Variants in CYP4A22 observed in about 807,000 individuals in gnomAD.
CYP4A22 encodes the protein cytochrome P450 family 4 subfamily A member 22, also known as cytochrome P450 4A22.
CYP4A22 carries 46 observed loss-of-function variants against 56.2 expected under a neutral mutation model. The observed-to-expected ratio is 0.82, with a 90% CI of 0.65 to 1.05. The LOEUF is 1.05. Among genes scored for constraint, CYP4A22 ranks in the 50% least tolerant of loss-of-function variants. CYP4A22 has a pLI of 0.00. For synonymous variants in CYP4A22, 193 were observed against 251.1 expected (o/e 0.77, Z 2.19); for missense variants, 541 against 645.9 (o/e 0.84, Z 1.76).
intron 2 of CYP4A22, 22 bp from the exon 3 acceptor site, chr1:47,141,549 A>T: frequency 6.2e-7 from 1 of 1,612,820 alleles, no homozygotes; most frequent in Non-Finnish European, 8.5e-7. Context: ...AGTTTCCTAT[A>T]AAGCCCTTTC....
rs771623586 is a variant in CYP4A22, at chr1:47,142,106, A to G, written c.383-2A>G. 1 of 1,612,248 alleles carries G rather than the reference A, an allele frequency of 6.2e-7. No homozygotes were observed. Among genetic ancestry groups the G allele is most frequent in the South Asian group, 1.1e-5 (1 of 90,742 alleles). On this transcript the variant is annotated splice_acceptor_variant, in intron 3 of 11. Transcript: ENST00000371891. LOFTEE classifies it high-confidence loss of function. The stretch of plus-strand genomic sequence containing the variant: ...ACATACACATATTCGTGTCTACCTT[A>G]GGGTACGGCTTGCTCCTGTTGAATG...
chr1:47,138,467 C>T lies in CYP4A22; in HGVS notation c.195+787C>T, dbSNP rs1271243058. ...AGCATGTCATCCCCTTCCTGTGCCC[C>T]GGCAATCAGCAAAATCCTGGCACAG... On this transcript the variant is annotated intron_variant, in intron 1 of 11. Transcript: ENST00000371891. Among the ~76,000 whole-genome samples the T allele has an allele frequency of 5.9e-5, 9 of 152,156 alleles. No homozygotes were observed. In the East Asian group the frequency reaches 7.7e-4, roughly 13 times the overall value.
At chr1:47,141,099 T>C (rs930820814) in intron 2 of CYP4A22, among the ~76,000 whole-genome samples, 178 bp downstream of exon 2, 1 of 152,240 alleles carries the variant, frequency 6.6e-6, no homozygotes, top group African/African-American at 2.4e-5. Context: ...GAATACTGAA[T>C]GTTTAAAACA....
At chr1:47,140,345 A>G (rs549988187) in intron 1 of CYP4A22, among the ~76,000 whole-genome samples, 33 of 152,344 alleles carry the variant, frequency 2.2e-4, no homozygotes, top group East Asian at 7.7e-4. Flanking sequence ...AATATTTACC[A>G]TATATTCTGG....
Position 47,145,901 on chromosome 1 carries a change from C to T in CYP4A22, c.1258C>T (p.His420Tyr). 1 of 1,614,170 alleles carries T rather than the reference C, an allele frequency of 6.2e-7. No homozygotes were observed. The highest frequency in any genetic ancestry group is 8.5e-7 in the Non-Finnish European group (1 of 1,180,028). The change falls in exon 10 of 12, where the codon CAC becomes TAC. Residue 420 changes from histidine (H) to tyrosine (Y), a missense_variant. This residue lies in a region of CYP4A22 where 204 missense variants were observed against 258.9 expected (regional missense o/e 0.79). Transcript: ENST00000371891. ...CCTCCTCTCCATTTATGGCCTTCAC[C>T]ACAACCCAAAAGTGTGGCCCAACCT... ...MVLLSIYGLH[H>Y]NPKVWPNLEV...
chr1:47,142,742 G>A (rs1645026964), intron 4 of CYP4A22, among the ~76,000 whole-genome samples: 2 of 152,204 alleles, frequency 1.3e-5, no homozygotes, highest in African/African-American at 4.8e-5. Context: ...CTCCAGTCAG[G>A]ACTCTGATTT....
In CYP4A22 at chr1:47,137,654, C is replaced by T. The variant is rs148805480; in HGVS notation, c.169C>T (p.His57Tyr). ...ALQQFPCPPSHWLFGHIQEFQ... is the reference protein window; with the variant it reads ...ALQQFPCPPSYWLFGHIQEFQ... ...CCAGCAGTTCCCGTGCCCTCCCTCCCACTGGCTCTTCGGGCACATCCAGGA... is the reference window on the plus strand; with the variant it reads ...CCAGCAGTTCCCGTGCCCTCCCTCCTACTGGCTCTTCGGGCACATCCAGGA... Residue 57 changes from histidine (H) to tyrosine (Y), a missense_variant, in exon 1 of 12, where the codon CAC becomes TAC. By Grantham distance (83) the His-to-Tyr change is moderately conservative. This residue lies in a region of CYP4A22 where 335 missense variants were observed against 361.2 expected (regional missense o/e 0.93). Transcript: ENST00000371891. 4.0e-4 allele frequency: 652 copies of T among 1,613,214 alleles called. 4 individuals are homozygous for T. In the African/African-American group the frequency reaches 7.0e-3, roughly 17 times the overall value.
Position 47,140,832 on chromosome 1 carries a change from C to T in CYP4A22, c.248C>T (p.Pro83Leu). The change falls in exon 2 of 12, where the codon CCA becomes CTA. Residue 83 changes from proline (P) to leucine (L), a missense_variant. This residue lies in a region of CYP4A22 where 335 missense variants were observed against 361.2 expected (regional missense o/e 0.93). Transcript: ENST00000371891. ...ATTCAGGAACGGGTGAAGACATTCC[C>T]AAGTGCCTGTCCTTATTGGATATGG... ...QRIQERVKTF[P>L]SACPYWIWGG... 1 of 1,614,140 alleles carries T rather than the reference C, an allele frequency of 6.2e-7. No individual in the cohort carries two copies. The highest frequency in any genetic ancestry group is 8.5e-7 in the Non-Finnish European group (1 of 1,180,024).
chr1:47,147,033 C>T (rs942375091), intron 11 of CYP4A22: 20 of 985,292 alleles, frequency 2.0e-5, no homozygotes, highest in South Asian at 4.7e-5. Context: ...AGAATGGCTG[C>T]GGTGGAAATC....
intron 11 of CYP4A22, chr1:47,146,591 C>G: frequency 9.7e-7 from 1 of 1,033,862 alleles, no homozygotes; most frequent in Non-Finnish European, 1.2e-6. Context: ...ATTTAATTCA[C>G]TAGTCTGTCG....
In CYP4A22 at chr1:47,140,734, G is replaced by A. The variant is rs1277547939; in HGVS notation, c.196-46G>A. Reference sequence around the variant, plus strand: ...TCCTGCCCTTCACTCCTGCTGCAAAGACTAGAAGTAAATGAAAGTGTTCAT... The same window carrying A: ...TCCTGCCCTTCACTCCTGCTGCAAAAACTAGAAGTAAATGAAAGTGTTCAT... On this transcript the variant is annotated intron_variant, in intron 1 of 11. Transcript: ENST00000371891. 5 of 1,609,002 alleles carry A rather than the reference G, an allele frequency of 3.1e-6. No homozygotes were observed. In the East Asian group the frequency reaches 1.1e-4, roughly 36 times the overall value.
In CYP4A22 at chr1:47,144,478, G is replaced by C; in HGVS notation, c.897+15G>C. 1.2e-6 allele frequency: 2 copies of C among 1,614,000 alleles called. No homozygotes were observed. Among genetic ancestry groups the C allele is most frequent in the Non-Finnish European group, 1.7e-6 (2 of 1,179,860 alleles). ...TCTTGGCCAAAGTGAGTATGTGTAG[G>C]AGAGGCCTGAGTCTTTGCCCAGAAG... On this transcript the variant is annotated intron_variant, in intron 7 of 11. Transcript: ENST00000371891.
At chr1:47,147,000 A>G (rs911903) in intron 11 of CYP4A22, 371,456 of 985,288 alleles carry the variant, frequency 0.38, 73,343 homozygotes, top group East Asian at 0.98. Context: ...TGAAATAGCT[A>G]TTGAGCTGGA....
Position 47,140,972 on chromosome 1 carries a change from T to C in CYP4A22, c.337+51T>C, listed in dbSNP as rs773811925. 3.2e-5 allele frequency: 52 copies of C among 1,605,552 alleles called. No homozygotes were observed. The East Asian group carries it at 1.0e-3, about 32-fold the overall frequency. ...GCAATTTCTCTTCCCTCTTGACACA[T>C]GCCCCTGGGTCTGTAAAATTCCAGA... On this transcript the variant is annotated intron_variant, in intron 2 of 11. Transcript: ENST00000371891.
At chr1:47,148,172 T>C (rs1323604671) in intron 11 of CYP4A22, among the ~76,000 whole-genome samples, 1 of 152,202 alleles carries the variant, frequency 6.6e-6, no homozygotes, top group Non-Finnish European at 1.5e-5. Flanking sequence ...TGTGTCCCAC[T>C]ACGTGGGAAG....
rs189770568 is a variant in CYP4A22, at chr1:47,149,230, G to A, written c.*433G>A. The A allele has an allele frequency of 0.014, 2,302 of 162,188 alleles. No homozygotes were observed. Among genetic ancestry groups the A allele is most frequent in the Middle Eastern group, 0.028 (9 of 320 alleles). The allele number at this position is 162,188 out of a possible 1,614,324, so 10.0% of individuals were successfully genotyped here. On this transcript the variant is annotated 3_prime_UTR_variant, in exon 12 of 12. Transcript: ENST00000371891. ...AATCCAGGGCTCGTGGCTCTGGAAT[G>A]TGTCTGGACTTGCTGGCTCCTCGCT...
intron 9 of CYP4A22, 116 bp downstream of exon 9, chr1:47,145,086 A>C: frequency 6.9e-7 from 1 of 1,459,744 alleles, no homozygotes; most frequent in South Asian, 1.4e-5. Context: ...TGTTCTAAAA[A>C]CATCAAAAAC....
Position 47,137,442 on chromosome 1 carries a change from C to T in CYP4A22, c.-44C>T. 1 of 1,577,232 alleles carries T rather than the reference C, an allele frequency of 6.3e-7. No individual in the cohort carries two copies. On this transcript the variant is annotated 5_prime_UTR_variant, in exon 1 of 12. Coordinates refer to ENST00000371891, the MANE Select transcript of CYP4A22 (RefSeq NM_001010969.4). ...TTAAGCACAGGTGGACAGGGGTGGTCAGAGAGAGGAAGGGGCACTCAGAGA... is the reference window on the plus strand; with the variant it reads ...TTAAGCACAGGTGGACAGGGGTGGTTAGAGAGAGGAAGGGGCACTCAGAGA...
At position 47,141,601 on chromosome 1, in the gene CYP4A22, T is replaced by A. The variant is rs749372717; in HGVS notation, c.368T>A (p.Leu123Gln). 3 of 1,613,868 alleles carry A rather than the reference T, an allele frequency of 1.9e-6. No homozygotes were observed. Among genetic ancestry groups the A allele is most frequent in the Non-Finnish European group, 1.7e-6 (2 of 1,179,820 alleles). Reference protein sequence around the residue: ...DPKSHGSYKFLAPRIGYGLLL... With the variant: ...DPKSHGSYKFQAPRIGYGLLL... ...AAATCCCATGGATCCTACAAATTCCTGGCTCCACGGATTGGTATGTGTGCA... is the reference window on the plus strand; with the variant it reads ...AAATCCCATGGATCCTACAAATTCCAGGCTCCACGGATTGGTATGTGTGCA... The change falls in exon 3 of 12, where the codon CTG becomes CAG. Residue 123 changes from leucine to glutamine, a missense_variant. Leu to Gln is a moderately radical substitution (Grantham distance 113). Around this residue, in one of 3 missense-constraint regions of CYP4A22, gnomAD observed 335 missense variants for 361.2 expected, o/e 0.93. Coordinates refer to ENST00000371891, the MANE Select transcript of CYP4A22 (RefSeq NM_001010969.4).
Sources: gnomAD v4.1 joint callset for allele counts (sites outside exome capture counted in the v4.1 genomes callset) on GRCh38, gnomAD v4.1.1 for gene constraint, gnomAD v4.1.1 regional missense constraint, MANE v1.5 for transcripts, NCBI Gene and HGNC (gene_info 2026-07-23, HGNC 2026-07-21) for gene names.